Variants in DDB1 observed in about 807,000 individuals in gnomAD.
The protein encoded by DDB1 is damage specific DNA binding protein 1, also known as DNA damage-binding protein 1.
Under a neutral mutation model 133.1 loss-of-function variants are expected in DDB1, and 18 were observed. The ratio of observed to expected loss-of-function variants is 0.14; its 90% CI spans 0.09 to 0.20. DDB1 has a LOEUF of 0.20. DDB1 is among the 10% of genes least tolerant of loss of function. The pLI is 1.00. For missense variants in DDB1, 828 were observed against 1,459.2 expected, an observed-to-expected ratio of 0.57 and a Z score of 7.05; for synonymous variants, 580 against 550.5, an observed-to-expected ratio of 1.05 and a Z score of -0.75.
chr11:61,302,546 C>A (rs773428552), intron 24 of DDB1, 36 bp downstream of exon 24: 2 of 1,611,260 alleles, frequency 1.2e-6, no homozygotes, highest in Non-Finnish European at 1.7e-6. Flanking sequence ...AGGAAGGAGG[C>A]CTGTGTGGGG....
intron 23 of DDB1, 100 bp downstream of exon 23, chr11:61,302,946 A>G (rs920371775): frequency 8.3e-5 from 109 of 1,317,016 alleles, no homozygotes; most frequent in Admixed American, 1.1e-4. Context: ...CTCTGTAAAC[A>G]GGAGCACCTG....
chr11:61,323,012 T>C lies in DDB1; in HGVS notation c.1004A>G (p.Lys335Arg). Residue 335 changes from lysine to arginine, a missense_variant and splice_region_variant, in exon 8 of 27, where the codon AAG becomes AGG. This residue lies in a region of DDB1 where 35 missense variants were observed against 123.3 expected (regional missense o/e 0.28). Coordinates refer to ENST00000301764, the MANE Select transcript of DDB1 (RefSeq NM_001923.5). The part of the protein sequence containing the change: ...GSRLGDSQLV[K>R]LNVDSNEQGS... ...AACCAGAAACAAGTGTCTTCTCACC[T>C]TCACAAGCTGGGAGTCACCCAGGCG... 2 of 1,613,286 alleles carry C rather than the reference T, an allele frequency of 1.2e-6. No homozygotes were observed. The highest frequency in any genetic ancestry group is 1.7e-6 in the Non-Finnish European group (2 of 1,179,610).
chr11:61,319,429 CT>C (rs746351260), intron 10 of DDB1, among the ~76,000 whole-genome samples: 1 of 150,676 alleles, frequency 6.6e-6, no homozygotes, highest in African/African-American at 2.4e-5. Context: ...TCACTGCTTT[CT>C]TTTTTTTTCT....
intron 2 of DDB1, among the ~76,000 whole-genome samples, chr11:61,331,243 T>C (rs2134941683): frequency 6.6e-6 from 1 of 152,270 alleles, no homozygotes; most frequent in South Asian, 2.1e-4. Context: ...CATACTGAAA[T>C]TTGCTATCCA....
intron 2 of DDB1, 97 bp from the exon 3 acceptor site, chr11:61,330,171 A>G (rs1392114883): frequency 1.1e-6 from 1 of 952,172 alleles, no homozygotes; most frequent in African/African-American, 1.6e-5. Flanking sequence ...GAATTTTCCA[A>G]ATTCTTCTCT....
At chr11:61,309,299 G>A (rs11230665) in intron 20 of DDB1, among the ~76,000 whole-genome samples, 14,447 of 151,980 alleles carry the variant, frequency 0.095, 2,100 homozygotes, top group African/African-American at 0.32. Context: ...CTGCCCCCTC[G>A]CCCTGAAACT....
Position 61,329,398 on chromosome 11 carries a change from C to A in DDB1, c.514G>T (p.Gly172Cys), listed in dbSNP as rs761385701. The A allele has an allele frequency of 6.2e-7, 1 of 1,614,178 alleles. No homozygotes were observed. Among genetic ancestry groups the A allele is most frequent in the South Asian group, 1.1e-5 (1 of 91,060 alleles). ...LHVIDVKFLY[G>C]CQAPTICFVY... ...AAGCAAATAGTAGGTGCTTGGCAAC[C>A]ATATAGGAACTTGACATCAATGACA... Residue 172 changes from glycine (G) to cysteine (C), a missense_variant, in exon 4 of 27, where the codon GGT becomes TGT. By Grantham distance (159) the Gly-to-Cys change is radical (BLOSUM62 -3). Coordinates refer to ENST00000301764, the MANE Select transcript of DDB1 (RefSeq NM_001923.5).
At chr11:61,303,203 C>G in intron 22 of DDB1, 48 bp from the exon 23 acceptor site, 1 of 1,554,568 alleles carries the variant, frequency 6.4e-7, no homozygotes, top group Non-Finnish European at 8.9e-7. Flanking sequence ...GCAGTTTGCA[C>G]GGAATCCAGT....
chr11:61,306,336 GCA>G (rs567451861), intron 21 of DDB1, among the ~76,000 whole-genome samples: 2 of 152,128 alleles, frequency 1.3e-5, no homozygotes, highest in Non-Finnish European at 2.9e-5. Flanking sequence ...ACAGGAGGTA[GCA>G]CAGTCTCCCA....
intron 6 of DDB1, 141 bp from the exon 7 acceptor site, chr11:61,324,278 G>A (rs1590697128): frequency 1.2e-6 from 1 of 856,104 alleles, no homozygotes; most frequent in Admixed American, 2.7e-5. Context: ...TGAAAATGAG[G>A]ATAGATCCTA....
Position 61,299,877 on chromosome 11 carries a change from A to C in DDB1, c.*259T>G, listed in dbSNP as rs1855763474. 1 of 542,220 alleles carries C rather than the reference A, an allele frequency of 1.8e-6. No homozygotes were observed. Among genetic ancestry groups the C allele is most frequent in the South Asian group, 2.1e-5 (1 of 48,640 alleles). The allele number at this position is 542,220 out of a possible 1,614,324, so 33.6% of individuals were successfully genotyped here. A position where few individuals can be genotyped will look rare whatever the true frequency, so the allele number is the denominator to read the frequency against. Reference sequence around the variant, plus strand: ...CGGAAGGAGGACAACTGGCAACACCAATCAAGGCTTGGTGGTCTAAGGTGA... The same window carrying C: ...CGGAAGGAGGACAACTGGCAACACCCATCAAGGCTTGGTGGTCTAAGGTGA... On this transcript the variant is annotated 3_prime_UTR_variant, in exon 27 of 27. Coordinates refer to ENST00000301764, the MANE Select transcript of DDB1 (RefSeq NM_001923.5).
intron 21 of DDB1, among the ~76,000 whole-genome samples, chr11:61,308,446 G>A (rs775141680): frequency 6.6e-6 from 1 of 152,062 alleles, no homozygotes; most frequent in Non-Finnish European, 1.5e-5. Flanking sequence ...ACCATTTCAC[G>A]TACTATGTAC....
At chr11:61,318,388 C>T (rs1856124368) in intron 10 of DDB1, among the ~76,000 whole-genome samples, 1 of 152,134 alleles carries the variant, frequency 6.6e-6, no homozygotes, top group South Asian at 2.1e-4. Context: ...TGCCCAATTC[C>T]CTTCTATAGA....
At chr11:61,317,249 G>A (rs953003185) in intron 10 of DDB1, among the ~76,000 whole-genome samples, 41 of 151,474 alleles carry the variant, frequency 2.7e-4, no homozygotes, top group Non-Finnish European at 4.1e-4. Context: ...GAGTAGCTGG[G>A]AAGGCAGGTG....
In DDB1 at chr11:61,319,075, G is replaced by A. The variant is rs188898404; in HGVS notation, c.1226-2508C>T. Among the ~76,000 whole-genome samples, 14 of 152,250 alleles carry A rather than the reference G, an allele frequency of 9.2e-5. 1 individual carries two copies. In the South Asian group the frequency reaches 2.7e-3, roughly 29 times the overall value. On this transcript the variant is annotated intron_variant, in intron 10 of 26. Coordinates refer to ENST00000301764, the MANE Select transcript of DDB1 (RefSeq NM_001923.5). ...AACAAAATTAGCCAGGCGTGGTGGC[G>A]CATGGTTGGAGTCCCAGCTACTGGG... is the stretch of plus-strand genomic sequence containing the variant.
chr11:61,311,923 T>A (rs560290613), intron 17 of DDB1, 28 bp from the exon 18 acceptor site: 1 of 1,613,948 alleles, frequency 6.2e-7, no homozygotes, highest in African/African-American at 1.3e-5. Context: ...AACAACAGTG[T>A]CACTTAGAAA....
Position 61,323,636 on chromosome 11 carries a change from CT to C in DDB1, c.921+342del, listed in dbSNP as rs1856222160. ...CCATATTGCCCAGGCTAATCTCGAA[CT>C]CCTGGGGCTCACACAATCTGCCTGA... On this transcript the variant is annotated intron_variant, in intron 7 of 26. Transcript: ENST00000301764. The C allele has an allele frequency of 3.7e-5, 10 of 272,346 alleles. No homozygotes were observed. The South Asian group carries it at 4.9e-4, about 13-fold the overall frequency. The allele number at this position is 272,346 out of a possible 1,614,324, so 16.9% of individuals were successfully genotyped here.
Position 61,311,809 on chromosome 11 carries a change from G to T in DDB1, c.2252C>A (p.Ala751Asp). ...EVQDTSGGTTALRPSASTQAL... is the reference protein window; with the variant it reads ...EVQDTSGGTTDLRPSASTQAL... ...CTGGGTGCTAGCGCTGGGCCTCAAG[G>T]CTGTCGTGCCCCCACTCGTGTCTTG... is the stretch of plus-strand genomic sequence containing the variant. Residue 751 changes from alanine (A) to aspartate (D), a missense_variant, in exon 18 of 27, where the codon GCC becomes GAC. Transcript: ENST00000301764. 1 of 1,613,670 alleles carries T rather than the reference G, an allele frequency of 6.2e-7. No individual in the cohort carries two copies. Among genetic ancestry groups the T allele is most frequent in the Non-Finnish European group, 8.5e-7 (1 of 1,179,868 alleles).
rs775669582 is a variant in DDB1, at chr11:61,313,854, A to G, written c.1861+8T>C. 8.0e-5 allele frequency: 129 copies of G among 1,613,668 alleles called. No individual in the cohort carries two copies. Among genetic ancestry groups the G allele is most frequent in the Admixed American group, 4.2e-4 (25 of 59,992 alleles). ...GAAAGAGTCCCTCACTCAAAATACT[A>G]CTCTCACCTGTCTCAATGTTGAGCC... On this transcript the variant is annotated splice_region_variant and intron_variant, in intron 15 of 26. Coordinates refer to ENST00000301764, the MANE Select transcript of DDB1 (RefSeq NM_001923.5).
Sources: allele counts gnomAD v4.1 joint callset (sites outside exome capture counted in the v4.1 genomes callset), GRCh38; gene constraint gnomAD v4.1.1; regional missense constraint gnomAD v4.1.1; transcripts MANE v1.5; gene names NCBI Gene and HGNC (gene_info 2026-07-23, HGNC 2026-07-21).